The following PRDM2 variants were observed in gnomAD, a reference collection of about 807,000 sequenced individuals.
PRDM2 encodes the protein PR/SET domain 2.
A neutral mutation model predicts 130.0 loss-of-function variants in PRDM2; 30 were observed. That is an observed-to-expected ratio of 0.23 (90% CI 0.17 to 0.31). The LOEUF is 0.31. Among genes scored for constraint, PRDM2 ranks in the 10% least tolerant of loss-of-function variants. PRDM2 has a pLI of 1.00. For missense variants in PRDM2, 2,011 were observed against 2,108.4 expected, an observed-to-expected ratio of 0.95 and a Z score of 0.90; for synonymous variants, 871 against 782.4, an observed-to-expected ratio of 1.11 and a Z score of -1.89.
chr1:13,781,048 G>T lies in PRDM2; in HGVS notation c.3253G>T (p.Val1085Phe), dbSNP rs367969426. ...TCCTCTCTCCGCAATATCATCTGTTGTTTCCTCTGGTGATAATCTGGAGGC... is the reference window on the plus strand; with the variant it reads ...TCCTCTCTCCGCAATATCATCTGTTTTTTCCTCTGGTGATAATCTGGAGGC... ...PPPLSAISSV[V>F]SSGDNLEASL... The change falls in exon 8 of 10, where the codon GTT becomes TTT. Residue 1085 changes from valine to phenylalanine, a missense_variant. By Grantham distance (50) the Val-to-Phe change is conservative (BLOSUM62 -1). This residue lies in a region of PRDM2 where 1,288 missense variants were observed against 1,237.7 expected (regional missense o/e 1.04). Transcript: ENST00000311066. The surrounding 1 kb of genome is among the most constrained non-coding windows in gnomAD (Gnocchi z 6.1). The T allele has an allele frequency of 4.6e-5, 74 of 1,611,384 alleles. No homozygotes were observed. The highest frequency in any genetic ancestry group is 6.3e-5 in the Non-Finnish European group (74 of 1,178,002).
rs1349135624 is a variant in PRDM2, at chr1:13,816,426, G to A, written c.5037-1G>A. ...TGTGTGTTGTTCCTCTTCCTGCACAGCTACAGCCTCCGCTTGGCGTCCCGA... is the reference window on the plus strand; with the variant it reads ...TGTGTGTTGTTCCTCTTCCTGCACAACTACAGCCTCCGCTTGGCGTCCCGA... On this transcript the variant is annotated splice_acceptor_variant, in intron 8 of 9. Transcript: ENST00000311066. LOFTEE classifies it high-confidence loss of function. 3.1e-6 allele frequency: 5 copies of A among 1,614,102 alleles called. No individual in the cohort carries two copies. The South Asian group carries it at 5.5e-5, about 18-fold the overall frequency.
intron 2 of PRDM2, among the ~76,000 whole-genome samples, chr1:13,724,950 A>G (rs906767900): frequency 7.2e-5 from 11 of 152,088 alleles, no homozygotes; most frequent in African/African-American, 2.4e-4. Context: ...AACGTAGGAC[A>G]TGAATGTTTG....
At chr1:13,702,889 G>A (rs962882047) in intron 1 of PRDM2, among the ~76,000 whole-genome samples, 5 of 152,186 alleles carry the variant, frequency 3.3e-5, no homozygotes, top group Non-Finnish European at 7.3e-5. Context: ...TGATGGTTGG[G>A]GGAAAATCGT....
intron 4 of PRDM2, among the ~76,000 whole-genome samples, chr1:13,739,928 A>G (rs116586013): frequency 0.016 from 2,484 of 152,254 alleles, 32 homozygotes; most frequent in Middle Eastern, 0.027. Context: ...TTTTGCTTTC[A>G]AGTTATTTTT....
At chr1:13,790,572 AG>A (rs1161208726) in intron 8 of PRDM2, among the ~76,000 whole-genome samples, 1 of 152,204 alleles carries the variant, frequency 6.6e-6, no homozygotes. Context: ...CCTCACAAGC[AG>A]AACCTTGAAT....
chr1:13,786,905 C>T (rs577534393), intron 8 of PRDM2: 24 of 1,019,178 alleles, frequency 2.4e-5, no homozygotes, highest in Non-Finnish European at 2.7e-5. Context: ...CCTGTTTTAG[C>T]AGTAGTTTGT....
Position 13,779,384 on chromosome 1 carries a change from A to G in PRDM2, c.1589A>G (p.Gln530Arg), listed in dbSNP as rs1223572604. Residue 530 changes from glutamine to arginine, a missense_variant, in exon 8 of 10, where the codon CAG becomes CGG. Physicochemically the swap from Gln to Arg is conservative, Grantham distance 43. Around this residue, in one of 5 missense-constraint regions of PRDM2, gnomAD observed 1,288 missense variants for 1,237.7 expected, o/e 1.04. Transcript: ENST00000311066. This position sits in a 1 kb window ranked among gnomAD's most constrained non-coding sequence, Gnocchi z 4.9. ...GLEEPQPPAE[Q>R]AQATQNVYVP... Reference sequence around the variant, plus strand: ...GAAGAGCCCCAGCCTCCAGCAGAACAGGCCCAGGCCACCCAGAACGTGTAT... The same window carrying G: ...GAAGAGCCCCAGCCTCCAGCAGAACGGGCCCAGGCCACCCAGAACGTGTAT... 1.9e-6 allele frequency: 3 copies of G among 1,614,228 alleles called. No homozygotes were observed. The highest frequency in any genetic ancestry group is 2.2e-5 in the East Asian group (1 of 44,886).
Position 13,802,036 on chromosome 1 carries a change from C to G in PRDM2, c.5037-14391C>G, listed in dbSNP as rs138626918. 2.9e-3 allele frequency among the ~76,000 whole-genome samples: 442 copies of G among 152,294 alleles called. 4 individuals carry two copies. Among genetic ancestry groups the G allele is most frequent in the African/African-American group, 0.01 (421 of 41,562 alleles). ...GTGTGTAAGGTAGATTGAGCTGTCCCGTCCTGGCCACCTTACAGCCTGTTT... is the reference window on the plus strand; with the variant it reads ...GTGTGTAAGGTAGATTGAGCTGTCCGGTCCTGGCCACCTTACAGCCTGTTT... On this transcript the variant is annotated intron_variant, in intron 8 of 9. Coordinates refer to ENST00000311066, the MANE Select transcript of PRDM2 (RefSeq NM_001393986.1).
At chr1:13,717,850 T>C (rs1187395022) in intron 2 of PRDM2, among the ~76,000 whole-genome samples, 1 of 152,224 alleles carries the variant, frequency 6.6e-6, no homozygotes, top group African/African-American at 2.4e-5. Flanking sequence ...TTAAATGGTC[T>C]GGTAGTAATG....
chr1:13,706,326 C>T (rs948516086), intron 1 of PRDM2, among the ~76,000 whole-genome samples: 5 of 152,192 alleles, frequency 3.3e-5, no homozygotes, highest in East Asian at 1.9e-4. Flanking sequence ...TTTCTGTCAA[C>T]GTAATCTTCC....
chr1:13,709,423 A>G (rs1399679276), intron 1 of PRDM2, among the ~76,000 whole-genome samples: 1 of 152,234 alleles, frequency 6.6e-6, no homozygotes, highest in Non-Finnish European at 1.5e-5. Context: ...TTTAAAATCA[A>G]TAAAAACTGT....
chr1:13,813,841 G>A (rs1234137746), intron 8 of PRDM2, among the ~76,000 whole-genome samples: 1 of 152,232 alleles, frequency 6.6e-6, no homozygotes, highest in Admixed American at 6.5e-5. Flanking sequence ...GCATCCGCAG[G>A]AGCCCAGGCG....
At chr1:13,713,223 T>C (rs1642426961) in intron 1 of PRDM2, among the ~76,000 whole-genome samples, 1 of 152,206 alleles carries the variant, frequency 6.6e-6, no homozygotes, top group African/African-American at 2.4e-5. Flanking sequence ...ATTTTACTTA[T>C]GTATTTACTG....
chr1:13,804,589 T>C (rs1021897556), intron 8 of PRDM2, among the ~76,000 whole-genome samples: 1 of 150,866 alleles, frequency 6.6e-6, no homozygotes, highest in African/African-American at 2.5e-5. Context: ...ACCAACAAGC[T>C]CCGGGGGGGG....
chr1:13,820,042 T>G (rs1645323314), intron 9 of PRDM2, among the ~76,000 whole-genome samples: 1 of 152,132 alleles, frequency 6.6e-6, no homozygotes, highest in African/African-American at 2.4e-5. Flanking sequence ...TGTGTGCAGG[T>G]CAAAGCCCTC....
chr1:13,816,668 G>A, intron 9 of PRDM2, 98 bp downstream of exon 9: 5 of 1,450,456 alleles, frequency 3.4e-6, no homozygotes, highest in Non-Finnish European at 4.7e-6. Context: ...GAAAGCAGTG[G>A]GTGTGATTGC....
rs528457879 is a variant in PRDM2 at position 13,778,729 on chromosome 1, T to C, written c.934T>C (p.Cys312Arg). The change falls in exon 8 of 10, where the codon TGT becomes CGT. Residue 312 changes from cysteine (C) to arginine (R), a missense_variant. Physicochemically the swap from Cys to Arg is radical, Grantham distance 180 (BLOSUM62 -3). Coordinates refer to ENST00000311066, the MANE Select transcript of PRDM2 (RefSeq NM_001393986.1). The stretch of plus-strand genomic sequence containing the variant: ...TTCTGTGAAAGAGCCAGAAATACGG[T>C]GTGATGAGAAGCCAGAAGATTTATT... ...ENSVKEPEIR[C>R]DEKPEDLLEE... 13 of 1,613,794 alleles carry C rather than the reference T, an allele frequency of 8.1e-6. No individual in the cohort carries two copies. The South Asian group carries it at 1.4e-4, about 18-fold the overall frequency.
intron 2 of PRDM2, among the ~76,000 whole-genome samples, chr1:13,717,741 A>G (rs923598407): frequency 7.9e-5 from 12 of 151,714 alleles, no homozygotes; most frequent in African/African-American, 2.9e-4. Flanking sequence ...TTAATATCAG[A>G]TCTGCAGAAG....
chr1:13,711,140 T>A (rs1422697860), intron 1 of PRDM2, among the ~76,000 whole-genome samples: 1 of 151,934 alleles, frequency 6.6e-6, no homozygotes, highest in Non-Finnish European at 1.5e-5. Flanking sequence ...GTGATACGCT[T>A]GGAAAGATTT....
Sources: gnomAD v4.1 joint callset for allele counts (sites outside exome capture counted in the v4.1 genomes callset) on GRCh38, gnomAD v4.1.1 for gene constraint, gnomAD v4.1.1 regional missense constraint, Gnocchi (gnomAD v3.1) non-coding constraint, MANE v1.5 for transcripts, NCBI Gene and HGNC (gene_info 2026-07-23, HGNC 2026-07-21) for gene names.